CEACAM5: variants seen among roughly 807,000 people sequenced by gnomAD.
CEACAM5 encodes the protein cell adhesion molecule CEACAM5.
A neutral mutation model predicts 63.0 loss-of-function variants in CEACAM5; 52 were observed. That is an observed-to-expected ratio of 0.83 (90% CI 0.66 to 1.04). CEACAM5 has a LOEUF of 1.04. Among genes scored for constraint, CEACAM5 ranks in the 50% least tolerant of loss-of-function variants. CEACAM5 has a pLI of 0.00. For missense variants in CEACAM5, 790 were observed against 864.8 expected (o/e 0.91, Z 1.08); for synonymous variants, 357 against 351.3 (o/e 1.02, Z -0.18).
intron 5 of CEACAM5, 86 bp downstream of exon 5, chr19:41,717,819 C>T: frequency 6.6e-7 from 1 of 1,511,678 alleles, no homozygotes; most frequent in Non-Finnish European, 9.0e-7. Context: ...CCTCTCAGGC[C>T]CAAGGACAGA....
At chr19:41,720,319 G>A (rs2072599039) in intron 7 of CEACAM5, 111 bp downstream of exon 7, 2 of 1,337,276 alleles carry the variant, frequency 1.5e-6, no homozygotes, top group Middle Eastern at 2.0e-4. Flanking sequence ...CCCACCCCTG[G>A]ACACCCAGGC....
intron 8 of CEACAM5, among the ~76,000 whole-genome samples, chr19:41,722,239 C>T (rs1346253503): frequency 6.6e-6 from 1 of 151,552 alleles, no homozygotes; most frequent in Non-Finnish European, 1.5e-5. Flanking sequence ...TGGTGGGTGC[C>T]TGTAATCCCA....
intron 8 of CEACAM5, among the ~76,000 whole-genome samples, chr19:41,723,913 C>T (rs1288195967): frequency 1.8e-4 from 27 of 148,352 alleles, no homozygotes; most frequent in African/African-American, 6.0e-4. Flanking sequence ...CGCACCACTG[C>T]ACTCCAGCCA....
chr19:41,717,434 T>G lies in CEACAM5; in HGVS notation c.959-21T>G, dbSNP rs202153305. 6 of 1,602,250 alleles carry G rather than the reference T, an allele frequency of 3.7e-6. No homozygotes were observed. The Admixed American group carries it at 1.0e-4, about 27-fold the overall frequency. On this transcript the variant is annotated intron_variant, in intron 4 of 9. Transcript: ENST00000221992. ...ATCACAGGTGCCACACAGGGCAATC[T>G]TCTCTCTGTTATCTGCACAGCAGAG... is the stretch of plus-strand genomic sequence containing the variant.
intron 2 of CEACAM5, among the ~76,000 whole-genome samples, chr19:41,713,360 T>C (rs183233510): frequency 1.3e-5 from 2 of 152,326 alleles, no homozygotes; most frequent in East Asian, 3.9e-4. Context: ...TGGAGCACTT[T>C]GGATTCCGTA....
intron 9 of CEACAM5, among the ~76,000 whole-genome samples, chr19:41,728,147 A>G (rs191971537): frequency 1.3e-5 from 2 of 152,374 alleles, no homozygotes; most frequent in African/African-American, 4.8e-5. Flanking sequence ...TCATATGTTC[A>G]TAACAGATAC....
chr19:41,725,712 T>C (rs1555817028), intron 8 of CEACAM5, among the ~76,000 whole-genome samples: 1 of 152,208 alleles, frequency 6.6e-6, no homozygotes, highest in South Asian at 2.1e-4. Flanking sequence ...TTCTCTCTTT[T>C]TTCTTAGTCA....
intron 8 of CEACAM5, 67 bp from the exon 9 acceptor site, chr19:41,727,167 G>A: frequency 1.7e-6 from 2 of 1,171,866 alleles, no homozygotes; most frequent in Non-Finnish European, 2.6e-6. Context: ...CTGGAACCTG[G>A]GGCACCCCAC....
In CEACAM5 at chr19:41,729,964, A is replaced by G. The variant is rs2072749008; in HGVS notation, c.*817A>G. On this transcript the variant is annotated 3_prime_UTR_variant, in exon 10 of 10. Coordinates refer to ENST00000221992, the MANE Select transcript of CEACAM5 (RefSeq NM_004363.6). ...CATTGGTTATATTACCAAGACTTTG[A>G]CTAGAATGTCGTATTTGAGGATATA... 6.6e-6 allele frequency among the ~76,000 whole-genome samples: 1 copy of G among 152,214 alleles called. No homozygotes were observed. The highest frequency in any genetic ancestry group is 1.5e-5 in the Non-Finnish European group (1 of 68,038).
In CEACAM5 at chr19:41,715,173, C is replaced by T. The variant is rs2122788792; in HGVS notation, c.627C>T (p.Asp209=). ...CTCTATTCAATGTCACAAGAAATGA[C>T]ACAGCAAGCTACAAATGTGAAACCC... The part of the protein sequence containing the change: ...TLTLFNVTRN[D]TASYKCETQN... The change falls in exon 3 of 10, where the codon GAC becomes GAT. Residue 209 remains aspartate, a synonymous_variant. Transcript: ENST00000221992. 1 of 1,614,232 alleles carries T rather than the reference C, an allele frequency of 6.2e-7. No individual in the cohort carries two copies. The highest frequency in any genetic ancestry group is 8.5e-7 in the Non-Finnish European group (1 of 1,180,044).
rs1555814899 is a variant in CEACAM5 at position 41,715,695 on chromosome 19, G to A, written c.749G>A (p.Arg250Lys). The A allele has an allele frequency of 4.8e-5, 77 of 1,614,004 alleles. No individual in the cohort carries two copies. Among genetic ancestry groups the A allele is most frequent in the Non-Finnish European group, 6.4e-5 (76 of 1,180,028 alleles). ...PTISPLNTSYRSGENLNLSCH... is the reference protein window; with the variant it reads ...PTISPLNTSYKSGENLNLSCH... The stretch of plus-strand genomic sequence containing the variant: ...ATTTCCCCTCTAAACACATCTTACA[G>A]ATCAGGGGAAAATCTGAACCTCTCC... The change falls in exon 4 of 10, where the codon AGA (arginine) becomes AAA (lysine). Residue 250 changes from arginine to lysine, a missense_variant. Coordinates refer to ENST00000221992, the MANE Select transcript of CEACAM5 (RefSeq NM_004363.6).
Position 41,710,003 on chromosome 19 carries a change from G to A in CEACAM5, c.388G>A (p.Val130Met), listed in dbSNP as rs1288821853. The A allele has an allele frequency of 6.2e-7, 1 of 1,610,276 alleles. No individual in the cohort carries two copies. Among genetic ancestry groups the A allele is most frequent in the Non-Finnish European group, 8.5e-7 (1 of 1,177,716 alleles). The change falls in exon 2 of 10, where the codon GTG (valine) becomes ATG (methionine). Residue 130 changes from valine to methionine, a missense_variant. Coordinates refer to ENST00000221992, the MANE Select transcript of CEACAM5 (RefSeq NM_004363.6). ...CCTACACGTCATAAAGTCAGATCTT[G>A]TGAATGAAGAAGCAACTGGCCAGTT... ...YTLHVIKSDLVNEEATGQFRV... is the reference protein window; with the variant it reads ...YTLHVIKSDLMNEEATGQFRV...
Position 41,727,293 on chromosome 19 carries a change from C to T in CEACAM5, c.2086C>T (p.Leu696=). 1.2e-6 allele frequency: 2 copies of T among 1,613,904 alleles called. No individual in the cohort carries two copies. Among genetic ancestry groups the T allele is most frequent in the South Asian group, 1.1e-5 (1 of 91,070 alleles). Residue 696 remains leucine (L), a synonymous_variant, in exon 9 of 10, where the codon CTG becomes TTG. Coordinates refer to ENST00000221992, the MANE Select transcript of CEACAM5 (RefSeq NM_004363.6). ...CACTGTCGGCATCATGATTGGAGTG[C>T]TGGTTGGGGTTGCTCTGATATAGCA... is the stretch of plus-strand genomic sequence containing the variant. ...GATVGIMIGV[L]VGVALI
At position 41,718,279 on chromosome 19, in the gene CEACAM5, T is replaced by C; in HGVS notation, c.1389T>C (p.Phe463=). 6.2e-7 allele frequency: 1 copy of C among 1,614,162 alleles called. No individual in the cohort carries two copies. The highest frequency in any genetic ancestry group is 8.5e-7 in the Non-Finnish European group (1 of 1,180,032). Residue 463 remains phenylalanine (F), a synonymous_variant, in exon 6 of 10, where the codon TTT becomes TTC. Coordinates refer to ENST00000221992, the MANE Select transcript of CEACAM5 (RefSeq NM_004363.6). ...GNIQQHTQEL[F]ISNITEKNSG... The stretch of plus-strand genomic sequence containing the variant: ...TCCAGCAACACACACAAGAGCTCTT[T>C]ATCTCCAACATCACTGAGAAGAACA...
At chr19:41,715,519 A>C in intron 3 of CEACAM5, 131 bp from the exon 4 acceptor site, 1 of 1,281,522 alleles carries the variant, frequency 7.8e-7, no homozygotes, top group African/African-American at 1.5e-5. Context: ...GGCTCAGTAG[A>C]TACAAGAGGG....
In CEACAM5 at chr19:41,727,209, T is replaced by C. The variant is rs782137954; in HGVS notation, c.2027-25T>C. On this transcript the variant is annotated intron_variant, in intron 8 of 9. Coordinates refer to ENST00000221992, the MANE Select transcript of CEACAM5 (RefSeq NM_004363.6). ...ATAACATCACATTCATTCCTTCTCT[T>C]TTCTTTCCATGACGGACGATTCAGC... 8 of 1,577,040 alleles carry C rather than the reference T, an allele frequency of 5.1e-6. No homozygotes were observed. The Admixed American group carries it at 1.3e-4, about 26-fold the overall frequency.
At chr19:41,727,102 C>A in intron 8 of CEACAM5, 132 bp from the exon 9 acceptor site, 2 of 777,630 alleles carry the variant, frequency 2.6e-6, no homozygotes, top group South Asian at 1.4e-5. Flanking sequence ...GCAACTTTCC[C>A]ACAAAACTAA....
intron 5 of CEACAM5, 27 bp from the exon 6 acceptor site, chr19:41,718,101 C>T: frequency 6.2e-7 from 1 of 1,612,798 alleles, no homozygotes; most frequent in Non-Finnish European, 8.5e-7. Context: ...ATGACATTCA[C>T]CTGTGGCCCT....
At chr19:41,713,635 T>G (rs546509160) in intron 2 of CEACAM5, among the ~76,000 whole-genome samples, 15 of 152,340 alleles carry the variant, frequency 9.8e-5, no homozygotes, top group African/African-American at 3.6e-4. Context: ...TCCACAAGTG[T>G]GACTACTCTA....
Sources: gnomAD v4.1 joint callset for allele counts (sites outside exome capture counted in the v4.1 genomes callset) on GRCh38, gnomAD v4.1.1 for gene constraint, MANE v1.5 for transcripts, NCBI Gene and HGNC (gene_info 2026-07-23, HGNC 2026-07-21) for gene names.